The following AKAP6 variants were observed in gnomAD, a reference collection of about 807,000 sequenced individuals.
The protein encoded by AKAP6 is A-kinase anchoring protein 6, also known as A-kinase anchor protein 6.
In AKAP6, 58 loss-of-function variants were observed where a neutral mutation model predicts 188.5. The observed-to-expected ratio is 0.31, with a 90% CI of 0.25 to 0.38. The LOEUF (loss-of-function observed/expected upper bound fraction) is 0.38, where lower values mean the gene tolerates loss of function less well. Among genes scored for constraint, AKAP6 ranks in the 10% least tolerant of loss-of-function variants. The pLI is 1.00. For missense variants in AKAP6, 2,710 were observed against 2,740.0 expected (o/e 0.99, Z 0.24); for synonymous variants, 989 against 998.6 (o/e 0.99, Z 0.18).
intron 1 of AKAP6, among the ~76,000 whole-genome samples, chr14:32,418,148 T>C (rs879301591): frequency 7.2e-5 from 11 of 152,290 alleles, no homozygotes; most frequent in Non-Finnish European, 1.5e-4. Flanking sequence ...AAATTATAAA[T>C]AGATGATTTC....
intron 2 of AKAP6, among the ~76,000 whole-genome samples, chr14:32,498,495 G>T (rs1880441551): frequency 6.6e-6 from 1 of 151,896 alleles, no homozygotes. Flanking sequence ...TTATATTAAG[G>T]GAAAATTCCA....
intron 11 of AKAP6, among the ~76,000 whole-genome samples, chr14:32,736,632 G>T (rs768689718): frequency 6.6e-5 from 10 of 152,082 alleles, no homozygotes; most frequent in Admixed American, 6.6e-5. Flanking sequence ...TTTGAATTTG[G>T]TGGCAATAAA....
At chr14:32,419,463 T>A (rs1889765258) in intron 1 of AKAP6, among the ~76,000 whole-genome samples, 1 of 152,204 alleles carries the variant, frequency 6.6e-6, no homozygotes, top group Admixed American at 6.5e-5. Context: ...AGTTATTTGA[T>A]GTGTTCTCAT....
chr14:32,464,605 A>G (rs1316910422), intron 2 of AKAP6, among the ~76,000 whole-genome samples: 3 of 152,212 alleles, frequency 2.0e-5, no homozygotes, highest in African/African-American at 7.2e-5. Context: ...TCAAAATAAT[A>G]AGAGCTATTT....
Position 32,822,588 on chromosome 14 carries a change from G to A in AKAP6, c.4775G>A (p.Arg1592Gln), listed in dbSNP as rs776536609. ...IFKNGSDSLQ[R>Q]STSLESWLTS... ...AAAAATGGCAGTGACAGCCTCCAGC[G>A]AAGCACTTCTTTAGAAAGTTGGTTG... Residue 1592 changes from arginine to glutamine, a missense_variant, in exon 13 of 14, where the codon CGA becomes CAA. This residue lies in a region of AKAP6 where 2,473 missense variants were observed against 2,426.1 expected (regional missense o/e 1.02). Coordinates refer to ENST00000280979, the MANE Select transcript of AKAP6 (RefSeq NM_004274.5). 1.4e-5 allele frequency: 22 copies of A among 1,613,816 alleles called. No homozygotes were observed. Among genetic ancestry groups the A allele is most frequent in the East Asian group, 2.2e-5 (1 of 44,886 alleles).
At chr14:32,388,933 T>C (rs1447522212) in intron 1 of AKAP6, among the ~76,000 whole-genome samples, 1 of 152,152 alleles carries the variant, frequency 6.6e-6, no homozygotes, top group Non-Finnish European at 1.5e-5. Context: ...GATGACTGTC[T>C]AGTGCTGTCA....
rs1402268160 is a variant in AKAP6 at position 32,541,806 on chromosome 14, CTT to C, written c.577-3421_577-3420del. ...TTGAATTGGGAATCTCACTATTACT[CTT>C]TTAAAAATTGCATAAAGTATAACTT... On this transcript the variant is annotated intron_variant, in intron 3 of 13. Transcript: ENST00000280979. Among the ~76,000 whole-genome samples, 10 of 152,248 alleles carry C rather than the reference CTT, an allele frequency of 6.6e-5. No homozygotes were observed. In the East Asian group the frequency reaches 1.7e-3, roughly 26 times the overall value.
At chr14:32,329,768 G>C (rs1239663370) in intron 1 of AKAP6, among the ~76,000 whole-genome samples, 1 of 152,060 alleles carries the variant, frequency 6.6e-6, no homozygotes, top group East Asian at 1.9e-4. Flanking sequence ...TTGGGAGGCA[G>C]AGCTAATTGG....
intron 2 of AKAP6, among the ~76,000 whole-genome samples, chr14:32,454,678 TCC>T (rs1467119793): frequency 2.5e-5 from 1 of 39,226 alleles, no homozygotes; most frequent in Non-Finnish European, 4.1e-5. Context: ...CTTCCCTCCT[TCC>T]CTCCTTCCCT....
intron 3 of AKAP6, among the ~76,000 whole-genome samples, chr14:32,539,838 G>A (rs1472540704): frequency 6.6e-6 from 1 of 152,010 alleles, no homozygotes; most frequent in Non-Finnish European, 1.5e-5. Flanking sequence ...TCCCAACGTG[G>A]TAGGGCTGAA....
Position 32,824,807 on chromosome 14 carries a change from C to T in AKAP6, c.*34C>T, listed in dbSNP as rs1566741293. ...CCCTCCCCAAGCATGAAAATCATCT[C>T]ACTGAAAGGTACGTATAGTCCTCAT... is the stretch of plus-strand genomic sequence containing the variant. On this transcript the variant is annotated 3_prime_UTR_variant, in exon 13 of 14. Transcript: ENST00000280979. 1 of 1,586,848 alleles carries T rather than the reference C, an allele frequency of 6.3e-7. No homozygotes were observed. The highest frequency in any genetic ancestry group is 1.2e-5 in the South Asian group (1 of 85,448).
intron 11 of AKAP6, among the ~76,000 whole-genome samples, chr14:32,766,618 A>AT (rs1205890967): frequency 1.3e-5 from 2 of 151,902 alleles, no homozygotes; most frequent in Admixed American, 6.6e-5. Context: ...CTTTTTTCAT[A>AT]TTTTTTTGCC....
At chr14:32,359,386 A>G (rs985172580) in intron 1 of AKAP6, among the ~76,000 whole-genome samples, 9 of 152,160 alleles carry the variant, frequency 5.9e-5, no homozygotes, top group African/African-American at 2.2e-4. Flanking sequence ...TCATACTTTA[A>G]AAAATGTTTT....
intron 2 of AKAP6, among the ~76,000 whole-genome samples, chr14:32,458,304 T>C (rs2138810172): frequency 6.6e-6 from 1 of 152,272 alleles, no homozygotes; most frequent in South Asian, 2.1e-4. Context: ...CCCTATAAAC[T>C]TGAAGAAGCT....
At chr14:32,590,987 A>G (rs1885463206) in intron 5 of AKAP6, among the ~76,000 whole-genome samples, 1 of 152,238 alleles carries the variant, frequency 6.6e-6, no homozygotes, top group South Asian at 2.1e-4. Context: ...CAAATTTTTA[A>G]TGGAACTGGA....
At chr14:32,806,066 G>A (rs183513067) in intron 12 of AKAP6, among the ~76,000 whole-genome samples, 6 of 152,236 alleles carry the variant, frequency 3.9e-5, no homozygotes, top group East Asian at 3.9e-4. Flanking sequence ...AGGATGGTTC[G>A]TTGTATGTTT....
chr14:32,655,627 C>T (rs2139550898), intron 7 of AKAP6, among the ~76,000 whole-genome samples: 1 of 152,198 alleles, frequency 6.6e-6, no homozygotes, highest in African/African-American at 2.4e-5. Flanking sequence ...CCTTAGAGGA[C>T]TTTTTGGTTT....
chr14:32,591,633 A>C (rs1207649888), intron 5 of AKAP6, among the ~76,000 whole-genome samples: 1 of 145,308 alleles, frequency 6.9e-6, no homozygotes, highest in Non-Finnish European at 1.5e-5. Flanking sequence ...TTGTCTTCAT[A>C]TCTCAGTGTC....
chr14:32,835,952 C>T lies in AKAP6; in HGVS notation c.*6147C>T, dbSNP rs1389739542. 1.3e-5 allele frequency: 2 copies of T among 152,162 alleles called. No homozygotes were observed. Among genetic ancestry groups the T allele is most frequent in the African/African-American group, 2.4e-5 (1 of 41,446 alleles). 9.4% of individuals were successfully genotyped at this position (152,162 alleles called of 1,614,324 possible). A position where few individuals can be genotyped will look rare whatever the true frequency, so the allele number is the denominator to read the frequency against. ...ATAGGATGACATGGGCAGGTCAGGC[C>T]CACAATAGTATGGTTTCTTTGGCAA... On this transcript the variant is annotated 3_prime_UTR_variant, in exon 14 of 14. Coordinates refer to ENST00000280979, the MANE Select transcript of AKAP6 (RefSeq NM_004274.5).
Sources: allele counts gnomAD v4.1 joint callset (sites outside exome capture counted in the v4.1 genomes callset), GRCh38; gene constraint gnomAD v4.1.1; regional missense constraint gnomAD v4.1.1; transcripts MANE v1.5; gene names NCBI Gene and HGNC (gene_info 2026-07-23, HGNC 2026-07-21).